The following BRSK2 variants were observed in gnomAD, a reference collection of about 807,000 sequenced individuals.
BRSK2 encodes serine/threonine-protein kinase BRSK2.
BRSK2 carries 19 observed loss-of-function variants against 83.3 expected under a neutral mutation model. The observed-to-expected ratio is 0.23, with a 90% CI of 0.16 to 0.33. The LOEUF (loss-of-function observed/expected upper bound fraction) is 0.33. Ranked by LOEUF, BRSK2 falls within the 10% of genes least tolerant of loss-of-function variation. The pLI, the probability that BRSK2 is intolerant of heterozygous loss-of-function variation, is 1.00. For missense variants in BRSK2, 798 were observed against 1,042.3 expected, an observed-to-expected ratio of 0.77 and a Z score of 3.23; for synonymous variants, 519 against 435.4, an observed-to-expected ratio of 1.19 and a Z score of -2.39.
intron 19 of BRSK2, 41 bp downstream of exon 19, chr11:1,459,280 C>T: frequency 1.2e-6 from 2 of 1,608,720 alleles, no homozygotes; most frequent in Non-Finnish European, 1.7e-6. Flanking sequence ...CCACCTGCCA[C>T]TTCACCGCTC....
Position 1,460,910 on chromosome 11 carries a change from CTCTCTG to C in BRSK2, c.*194_*199del. 6.2e-7 allele frequency: 1 copy of C among 1,608,200 alleles called. No homozygotes were observed. The highest frequency in any genetic ancestry group is 1.7e-5 in the Admixed American group (1 of 59,806). On this transcript the variant is annotated 3_prime_UTR_variant, in exon 20 of 20. Transcript: ENST00000528841. ...GCGCCACCCGCGCCCGCTCTCTTTT[CTCTCTG>C]TCTCTGCCTCTGCCTGTCTCTGACA...
At chr11:1,460,428 T>A in intron 19 of BRSK2, 72 bp from the exon 20 acceptor site, 1 of 945,432 alleles carries the variant, frequency 1.1e-6, no homozygotes, top group Non-Finnish European at 1.4e-6. Context: ...TTCCCTCCCC[T>A]CCTCTTTCTC....
At chr11:1,434,512 C>T (rs1850024961) in intron 1 of BRSK2, among the ~76,000 whole-genome samples, 1 of 147,508 alleles carries the variant, frequency 6.8e-6, no homozygotes, top group Admixed American at 6.7e-5. Flanking sequence ...CCTGGGCCGG[C>T]TCTGGGTGTC....
chr11:1,426,832 A>C (rs1849290207), intron 1 of BRSK2, among the ~76,000 whole-genome samples: 2 of 151,884 alleles, frequency 1.3e-5, no homozygotes. Context: ...AGCCAAGTGC[A>C]TGTGGGGAGG....
At chr11:1,418,546 G>T (rs891010188) in intron 1 of BRSK2, among the ~76,000 whole-genome samples, 12 of 139,392 alleles carry the variant, frequency 8.6e-5, no homozygotes, top group East Asian at 4.3e-4. Flanking sequence ...GCTTCTGTTG[G>T]CTGTTTCTTC....
At chr11:1,407,620 C>T (rs1229378661) in intron 1 of BRSK2, among the ~76,000 whole-genome samples, 4 of 152,226 alleles carry the variant, frequency 2.6e-5, no homozygotes, top group East Asian at 1.9e-4. Flanking sequence ...CCTCTAGGGG[C>T]CTCGACGCAG....
At chr11:1,448,371 C>T (rs933396726) in intron 12 of BRSK2, among the ~76,000 whole-genome samples, 9 of 152,184 alleles carry the variant, frequency 5.9e-5, no homozygotes, top group African/African-American at 2.2e-4. Context: ...CGGGGTCCTT[C>T]TCTTTGAGCC....
intron 14 of BRSK2, 143 bp downstream of exon 14, chr11:1,450,937 C>T: frequency 2.7e-6 from 2 of 753,390 alleles, no homozygotes; most frequent in Non-Finnish European, 4.2e-6. Context: ...TCTCACTGTC[C>T]CGAAAGCGCC....
chr11:1,448,934 G>C (rs1487479915), intron 12 of BRSK2, among the ~76,000 whole-genome samples: 1 of 152,234 alleles, frequency 6.6e-6, no homozygotes, highest in African/African-American at 2.4e-5. Flanking sequence ...GCGGTGGGCA[G>C]GCCTGGTGGG....
At chr11:1,399,346 T>G (rs1214536410) in intron 1 of BRSK2, among the ~76,000 whole-genome samples, 1 of 152,094 alleles carries the variant, frequency 6.6e-6, no homozygotes, top group Non-Finnish European at 1.5e-5. Flanking sequence ...GCCCAGGGCC[T>G]GGCCCTGCCA....
intron 1 of BRSK2, among the ~76,000 whole-genome samples, chr11:1,433,990 G>C (rs117660536): frequency 0.024 from 3,588 of 152,376 alleles, 57 homozygotes; most frequent in Non-Finnish European, 0.033. Context: ...CTGACGGAAA[G>C]GGCAAAATAA....
Position 1,445,834 on chromosome 11 carries a change from G to T in BRSK2, c.1153G>T (p.Val385Leu), listed in dbSNP as rs765668287. 6 of 1,612,456 alleles carry T rather than the reference G, an allele frequency of 3.7e-6. No individual in the cohort carries two copies. The Admixed American group carries it at 8.3e-5, about 22-fold the overall frequency. ...KRRPERKSME[V>L]LSVTDGGSPV... ...GCGGCCAGAACGCAAATCCATGGAG[G>T]TGCTCAGCGTGACGGACGGCGGCTC... Residue 385 changes from valine to leucine, a missense_variant, in exon 12 of 20, where the codon GTG (valine) becomes TTG (leucine). Val to Leu is a conservative substitution (Grantham distance 32, BLOSUM62 1). Coordinates refer to ENST00000528841, the MANE Select transcript of BRSK2 (RefSeq NM_001256627.2).
chr11:1,461,350 G>GCCGCCCCGC lies in BRSK2; in HGVS notation c.*628_*629insCGCCCCGCC, dbSNP rs1301522801. 2.7e-6 allele frequency: 1 copy of GCCGCCCCGC among 365,194 alleles called. No individual in the cohort carries two copies. The highest frequency in any genetic ancestry group is 5.0e-6 in the Non-Finnish European group (1 of 201,172). 22.6% of individuals were successfully genotyped at this position (365,194 alleles called of 1,614,324 possible). ...CGCAGGCCCGTGCCCCGCCTCCCTG[G>GCCGCCCCGC]CTGCGCCGCCTCCGTGTAGTCTTGG... On this transcript the variant is annotated 3_prime_UTR_variant, in exon 20 of 20. Coordinates refer to ENST00000528841, the MANE Select transcript of BRSK2 (RefSeq NM_001256627.2).
At chr11:1,416,497 TTCCCACACGTCTGTG>T (rs1436045139) in intron 1 of BRSK2, among the ~76,000 whole-genome samples, 1 of 152,224 alleles carries the variant, frequency 6.6e-6, no homozygotes, top group African/African-American at 2.4e-5. Context: ...ACCGAAGGGC[TTCCCACACGTCTGTG>T]TCCAACACGT....
At chr11:1,451,995 C>T (rs1306232883) in intron 15 of BRSK2, among the ~76,000 whole-genome samples, 1 of 152,102 alleles carries the variant, frequency 6.6e-6, no homozygotes, top group Admixed American at 6.5e-5. Flanking sequence ...CCCTCTCCCT[C>T]CTCTCCACGA....
chr11:1,460,693 C>CCCGCCCA lies in BRSK2; in HGVS notation c.2188_2194dup (p.Arg732HisfsTer97). 1 of 1,509,020 alleles carries CCCGCCCA rather than the reference C, an allele frequency of 6.6e-7. No individual in the cohort carries two copies. Among genetic ancestry groups the CCCGCCCA allele is most frequent in the Non-Finnish European group, 8.8e-7 (1 of 1,132,736 alleles). The allele number at this position is 1,509,020 out of a possible 1,614,324, so 93.5% of individuals were successfully genotyped here. On this transcript the variant is annotated frameshift_variant, in exon 20 of 20. Transcript: ENST00000528841. LOFTEE classifies it high-confidence loss of function. ...CGGGCAAGGACACGGCCAAGATGGG[C>CCCGCCCA]CCGCCCACCGCCCGCCGCGAGCAGC...
chr11:1,453,635 T>G (rs1408158397), intron 15 of BRSK2, among the ~76,000 whole-genome samples: 3 of 152,068 alleles, frequency 2.0e-5, no homozygotes, highest in Non-Finnish European at 4.4e-5. Flanking sequence ...GGCCGCACAG[T>G]GGCCGAGGAG....
In BRSK2 at chr11:1,460,758, A is replaced by C; in HGVS notation, c.*35A>C. On this transcript the variant is annotated 3_prime_UTR_variant, in exon 20 of 20. Coordinates refer to ENST00000528841, the MANE Select transcript of BRSK2 (RefSeq NM_001256627.2). ...CCCCCCCCCCCAGCACAGCACTGAC[A>C]GCGGCTGCCTCGCCGCCCGCCGCCC... 1 of 1,195,850 alleles carries C rather than the reference A, an allele frequency of 8.4e-7. No homozygotes were observed. 74.1% of individuals were successfully genotyped at this position (1,195,850 alleles called of 1,614,324 possible). A position where few individuals can be genotyped will look rare whatever the true frequency, so the allele number is the denominator to read the frequency against.
Position 1,412,622 on chromosome 11 carries a change from G to A in BRSK2, c.91+22247G>A, listed in dbSNP as rs375408986. 9.2e-5 allele frequency among the ~76,000 whole-genome samples: 14 copies of A among 152,300 alleles called. No individual in the cohort carries two copies. In the South Asian group the frequency reaches 1.7e-3, roughly 18 times the overall value. ...AAAATGCGAGACAGGGTCGGGTTGC[G>A]GGGAGGGCGTCCAGTGGTGGGAGGG... On this transcript the variant is annotated intron_variant, in intron 1 of 19. Transcript: ENST00000528841.
Sources: gnomAD v4.1 joint callset for allele counts (sites outside exome capture counted in the v4.1 genomes callset) on GRCh38, gnomAD v4.1.1 for gene constraint, MANE v1.5 for transcripts, NCBI Gene and HGNC (gene_info 2026-07-23, HGNC 2026-07-21) for gene names.